NFIA: variants seen among roughly 807,000 people sequenced by gnomAD.
NFIA encodes the protein nuclear factor I A, also known as nuclear factor 1 A-type.
In NFIA, 8 loss-of-function variants were observed where a neutral mutation model predicts 62.8. That is an observed-to-expected ratio of 0.13 (90% CI 0.07 to 0.23). NFIA has a LOEUF of 0.23. Ranked by LOEUF, NFIA falls within the 10% of genes least tolerant of loss-of-function variation. The pLI, the probability that NFIA is intolerant of heterozygous loss-of-function variation, is 1.00. For synonymous variants in NFIA, 235 were observed against 238.1 expected, an observed-to-expected ratio of 0.99 and a Z score of 0.12; for missense variants, 410 against 642.1, an observed-to-expected ratio of 0.64 and a Z score of 3.91.
intron 3 of NFIA, among the ~76,000 whole-genome samples, 192 bp downstream of exon 3, chr1:61,277,777 C>T (rs997049028): frequency 6.6e-6 from 1 of 152,148 alleles, no homozygotes. Context: ...CCAGCAGCCT[C>T]AGGACCCCCG....
At chr1:61,138,253 G>A (rs925603971) in intron 2 of NFIA, among the ~76,000 whole-genome samples, 6 of 151,848 alleles carry the variant, frequency 4.0e-5, no homozygotes, top group Admixed American at 6.6e-5. Context: ...ACGCCACCAC[G>A]TAGGGCTAAT....
intron 2 of NFIA, among the ~76,000 whole-genome samples, chr1:61,095,396 G>T (rs1395093186): frequency 6.6e-6 from 1 of 152,202 alleles, no homozygotes; most frequent in African/African-American, 2.4e-5. Flanking sequence ...CAGGTTACAT[G>T]TCCAGAGCAA....
intron 6 of NFIA, among the ~76,000 whole-genome samples, chr1:61,362,940 A>G (rs1014364651): frequency 1.6e-4 from 25 of 152,238 alleles, no homozygotes; most frequent in Non-Finnish European, 3.2e-4. Context: ...TTGATAATGC[A>G]GATAAACAGG....
chr1:61,412,813 A>G (rs1666164151), intron 9 of NFIA, among the ~76,000 whole-genome samples: 1 of 152,198 alleles, frequency 6.6e-6, no homozygotes. Context: ...CAGCTCTGGC[A>G]TGGGACAAAG....
At chr1:61,163,907 T>C (rs1009027757) in intron 2 of NFIA, among the ~76,000 whole-genome samples, 1 of 152,226 alleles carries the variant, frequency 6.6e-6, no homozygotes, top group Non-Finnish European at 1.5e-5. Flanking sequence ...GCCCCTTGGC[T>C]CTAGCCAATT....
chr1:61,081,983 G>T (rs144213945), upstream of NFIA: 3 of 1,550,498 alleles, frequency 1.9e-6, no homozygotes, highest in East Asian at 2.4e-5. Context: ...GGTTCTCTAC[G>T]TGCCCACGCG....
At chr1:61,274,682 A>G (rs916843555) in intron 2 of NFIA, among the ~76,000 whole-genome samples, 31 of 152,250 alleles carry the variant, frequency 2.0e-4, no homozygotes, top group African/African-American at 7.0e-4. Flanking sequence ...TGGAGTATAT[A>G]AAGGAGAAAA....
At chr1:61,354,816 A>T (rs1021967285) in intron 5 of NFIA, among the ~76,000 whole-genome samples, 2 of 152,182 alleles carry the variant, frequency 1.3e-5, no homozygotes, top group East Asian at 3.9e-4. Flanking sequence ...ACACGTGTGC[A>T]GCCTCCCCAT....
chr1:61,211,439 G>C (rs866579826), intron 2 of NFIA, among the ~76,000 whole-genome samples: 3 of 152,054 alleles, frequency 2.0e-5, no homozygotes, highest in Admixed American at 6.5e-5. Flanking sequence ...AATAGTAACA[G>C]CTTATTTTTT....
At chr1:61,140,982 T>C (rs1647472597) in intron 2 of NFIA, among the ~76,000 whole-genome samples, 1 of 149,070 alleles carries the variant, frequency 6.7e-6, no homozygotes, top group South Asian at 2.2e-4. Context: ...TTTTTTTTTT[T>C]TTTTTTGCCC....
Position 61,354,647 on chromosome 1 carries a change from A to G in NFIA, c.818+2080A>G, listed in dbSNP as rs148103976. On this transcript the variant is annotated intron_variant, in intron 5 of 10. Coordinates refer to ENST00000403491, the MANE Select transcript of NFIA (RefSeq NM_001134673.4). Reference sequence around the variant, plus strand: ...TCAGGTCTGTTGGAACTTTAAAAATATGCTCTTTTCACACAGAATCCTCTT... The same window carrying G: ...TCAGGTCTGTTGGAACTTTAAAAATGTGCTCTTTTCACACAGAATCCTCTT... Among the ~76,000 whole-genome samples, 96 of 152,346 alleles carry G rather than the reference A, an allele frequency of 6.3e-4. 2 individuals are homozygous for G. The highest frequency in any genetic ancestry group is 3.9e-3 in the East Asian group (20 of 5,192).
intron 6 of NFIA, among the ~76,000 whole-genome samples, chr1:61,359,846 T>G (rs746655101): frequency 6.6e-5 from 10 of 152,250 alleles, no homozygotes; most frequent in African/African-American, 1.2e-4. Flanking sequence ...TTGGCCAGGC[T>G]GGTCTCAAAC....
chr1:61,298,523 A>G (rs1341969705), intron 3 of NFIA, among the ~76,000 whole-genome samples: 2 of 152,106 alleles, frequency 1.3e-5, no homozygotes, highest in East Asian at 1.9e-4. Context: ...CTTTAACCCA[A>G]TTCTGTAGTT....
At chr1:61,241,458 T>C (rs2100645670) in intron 2 of NFIA, among the ~76,000 whole-genome samples, 1 of 152,304 alleles carries the variant, frequency 6.6e-6, no homozygotes, top group African/African-American at 2.4e-5. Flanking sequence ...GATATCACAT[T>C]GTATTGTTTA....
chr1:61,306,269 C>CTTTTTTTTTTTTTT lies in NFIA; in HGVS notation c.626-26231_626-26218dup, dbSNP rs774297484. Among the ~76,000 whole-genome samples the CTTTTTTTTTTTTTT allele has an allele frequency of 1.0e-3, 63 of 60,602 alleles. 7 individuals are homozygous for CTTTTTTTTTTTTTT. Among genetic ancestry groups the CTTTTTTTTTTTTTT allele is most frequent in the African/African-American group, 3.7e-3 (48 of 12,918 alleles). 39.8% of individuals were successfully genotyped at this position (60,602 alleles called of 152,430 possible). On this transcript the variant is annotated intron_variant, in intron 3 of 10. Transcript: ENST00000403491. ...TCATCCTGGAGACCCAGATTTTGTTCTTTTTTTTTTTTTTTTTTTTTTTTT... is the reference window on the plus strand; with the variant it reads ...TCATCCTGGAGACCCAGATTTTGTTCTTTTTTTTTTTTTTTTTTTTTTTTTTTTTTTTTTTTTTT...
At chr1:61,159,561 T>C (rs1299446936) in intron 2 of NFIA, among the ~76,000 whole-genome samples, 2 of 152,178 alleles carry the variant, frequency 1.3e-5, no homozygotes, top group African/African-American at 2.4e-5. Flanking sequence ...TTTGTGGCTT[T>C]GGGTATACTG....
intron 2 of NFIA, among the ~76,000 whole-genome samples, chr1:61,160,606 G>A (rs1457818748): frequency 3.3e-5 from 5 of 152,148 alleles, no homozygotes; most frequent in South Asian, 2.1e-4. Context: ...GAACTTGGAC[G>A]GTTAAAACCT....
chr1:61,350,041 G>GC (rs1246230163), intron 4 of NFIA, among the ~76,000 whole-genome samples: 5 of 151,912 alleles, frequency 3.3e-5, no homozygotes, highest in East Asian at 1.9e-4. Flanking sequence ...TTCTTCAGGC[G>GC]CCCCCCACCC....
At chr1:61,178,067 C>T (rs564044790) in intron 2 of NFIA, among the ~76,000 whole-genome samples, 1 of 152,188 alleles carries the variant, frequency 6.6e-6, no homozygotes, top group African/African-American at 2.4e-5. Flanking sequence ...GCCCACTTCC[C>T]CTAGATCGCC....
Sources: allele counts gnomAD v4.1 joint callset (sites outside exome capture counted in the v4.1 genomes callset), GRCh38; gene constraint gnomAD v4.1.1; transcripts MANE v1.5; gene names NCBI Gene and HGNC (gene_info 2026-07-23, HGNC 2026-07-21).